The following NIPA1 variants were observed in gnomAD, a reference collection of about 807,000 sequenced individuals.
NIPA1 encodes magnesium transporter NIPA1.
NIPA1 carries 13 observed loss-of-function variants against 23.9 expected under a neutral mutation model. The observed-to-expected ratio is 0.54, with a 90% confidence interval of 0.35 to 0.87. NIPA1 has a LOEUF of 0.87. Ranked by LOEUF, NIPA1 falls within the 40% of genes least tolerant of loss-of-function variation. The probability of loss-of-function intolerance (pLI) is 0.01; values close to 1 mark genes in which losing one functional copy is unlikely to be tolerated. For missense variants in NIPA1, 362 were observed against 429.7 expected, an observed-to-expected ratio of 0.84 and a Z score of 1.39; for synonymous variants, 234 against 202.9, an observed-to-expected ratio of 1.15 and a Z score of -1.30.
intron 1 of NIPA1, among the ~76,000 whole-genome samples, chr15:22,804,652 A>C (rs919991059): frequency 6.6e-6 from 1 of 151,970 alleles, no homozygotes; most frequent in Non-Finnish European, 1.5e-5. Context: ...TTAAACTTCA[A>C]CGTTTTCTCT....
At chr15:22,817,421 C>G (rs968246822) in intron 3 of NIPA1, among the ~76,000 whole-genome samples, 1 of 151,304 alleles carries the variant, frequency 6.6e-6, no homozygotes, top group Non-Finnish European at 1.5e-5. Context: ...ATCGCTTGAA[C>G]CCAGTAGGCA....
chr15:22,812,151 T>C lies in NIPA1; in HGVS notation c.227-12T>C. 1 of 1,604,752 alleles carries C rather than the reference T, an allele frequency of 6.2e-7. No individual in the cohort carries two copies. Among genetic ancestry groups the C allele is most frequent in the Non-Finnish European group, 8.5e-7 (1 of 1,172,020 alleles). On this transcript the variant is annotated splice_polypyrimidine_tract_variant and intron_variant, in intron 2 of 4. Transcript: ENST00000337435. ...GTAATTGCAAGTAGTATCCTTGTGA[T>C]TTTCTTGACAGTGGCTGTTGGCCAG...
chr15:22,811,465 C>T (rs1265123021), intron 2 of NIPA1, among the ~76,000 whole-genome samples: 1 of 152,000 alleles, frequency 6.6e-6, no homozygotes, highest in Non-Finnish European at 1.5e-5. Flanking sequence ...ATTACCTGGG[C>T]ATGGTGGGAT....
intron 1 of NIPA1, among the ~76,000 whole-genome samples, chr15:22,788,764 A>C (rs1223941457): frequency 6.6e-6 from 1 of 150,872 alleles, no homozygotes; most frequent in Admixed American, 6.6e-5. Context: ...TTTAAAAAAA[A>C]CATGATAAGC....
rs199614340 is a variant in NIPA1, at chr15:22,795,939, AT to A, written c.178+9115del. Among the ~76,000 whole-genome samples the A allele has an allele frequency of 1.5e-4, 22 of 148,842 alleles. No homozygotes were observed. In the East Asian group the frequency reaches 2.0e-3, roughly 13 times the overall value. On this transcript the variant is annotated intron_variant, in intron 1 of 4. Coordinates refer to ENST00000337435, the MANE Select transcript of NIPA1 (RefSeq NM_144599.5). ...AGATAAATCCACCTACAGATAAGGC[AT>A]TTTTTTTTTAAGACAGGGTCTTTTT...
At chr15:22,786,868 G>A (rs1296079983) in intron 1 of NIPA1, 34 bp downstream of exon 1, 4 of 955,970 alleles carry the variant, frequency 4.2e-6, no homozygotes, top group Non-Finnish European at 5.3e-6. Flanking sequence ...GCGGCGGGCG[G>A]GTGGGGGAGG....
At position 22,810,814 on chromosome 15, in the gene NIPA1, CG is replaced by C. The variant is rs759396730; in HGVS notation, c.226+19del. On this transcript the variant is annotated intron_variant, in intron 2 of 4. Transcript: ENST00000337435. ...AATCGCAAGTAAGTAGCCTGTGTGGCGAAGTCTGGTCTTTTCCTTTCTTAGA... is the reference window on the plus strand; with the variant it reads ...AATCGCAAGTAAGTAGCCTGTGTGGCAAGTCTGGTCTTTTCCTTTCTTAGA... 26 of 1,592,980 alleles carry C rather than the reference CG, an allele frequency of 1.6e-5. No individual in the cohort carries two copies. The highest frequency in any genetic ancestry group is 2.6e-6 in the Non-Finnish European group (3 of 1,160,852).
chr15:22,816,485 C>CTTTTTT lies in NIPA1; in HGVS notation c.318-3828_318-3827insTTTTTT, dbSNP rs1566786330. 3.7e-3 allele frequency among the ~76,000 whole-genome samples: 193 copies of CTTTTTT among 52,662 alleles called. 2 individuals carry two copies. Among genetic ancestry groups the CTTTTTT allele is most frequent in the South Asian group, 9.5e-3 (12 of 1,264 alleles). 34.5% of individuals were successfully genotyped at this position (52,662 alleles called of 152,430 possible). A position where few individuals can be genotyped will look rare whatever the true frequency, so the allele number is the denominator to read the frequency against. ...TACAGGTGTGAGCCACCGCACCCAGCCTTTTTTTTTTTTTTTTTTTTTTTC... is the reference window on the plus strand; with the variant it reads ...TACAGGTGTGAGCCACCGCACCCAGCTTTTTTCTTTTTTTTTTTTTTTTTTTTTTTC... On this transcript the variant is annotated intron_variant, in intron 3 of 4. Transcript: ENST00000337435.
intron 1 of NIPA1, among the ~76,000 whole-genome samples, chr15:22,802,149 T>G (rs1163316771): frequency 6.6e-6 from 1 of 152,030 alleles, no homozygotes; most frequent in African/African-American, 2.4e-5. Context: ...ATCCCAGCAC[T>G]TTGGGAGGCC....
intron 3 of NIPA1, chr15:22,819,321 C>T (rs188895017): frequency 6.6e-6 from 1 of 152,216 alleles, no homozygotes; most frequent in African/African-American, 2.4e-5. Flanking sequence ...CATACCTGAG[C>T]CTGGTATGCC....
In NIPA1 at chr15:22,810,780, G is replaced by A. The variant is rs1312018836; in HGVS notation, c.210G>A (p.Trp70Ter). 1 of 1,610,862 alleles carries A rather than the reference G, an allele frequency of 6.2e-7. No individual in the cohort carries two copies. ...CCTATTTAACAGACATTGTGTGGTGGGCTGGCACAATCGCAAGTAAGTAGC... is the reference window on the plus strand; with the variant it reads ...CCTATTTAACAGACATTGTGTGGTGAGCTGGCACAATCGCAAGTAAGTAGC... ...GTSYLTDIVWWAGTIAMAVGQ... is the reference protein window; with the variant it reads ...GTSYLTDIVW The change falls in exon 2 of 5, where the codon TGG becomes TGA. Residue 70 changes from tryptophan to a stop codon, truncating the protein, a stop_gained. Transcript: ENST00000337435. LOFTEE classifies it high-confidence loss of function.
intron 1 of NIPA1, among the ~76,000 whole-genome samples, chr15:22,798,835 CAAAAAAAAA>C (rs1206327395): frequency 2.7e-5 from 2 of 73,110 alleles, no homozygotes; most frequent in African/African-American, 5.9e-5. Flanking sequence ...GACTCCGTCT[CAAAAAAAAA>C]AAAAAAAAAA....
intron 1 of NIPA1, among the ~76,000 whole-genome samples, chr15:22,793,461 G>T (rs1036757834): frequency 6.7e-6 from 1 of 149,144 alleles, no homozygotes; most frequent in Non-Finnish European, 1.5e-5. Context: ...ATTTTTTTGA[G>T]AGGGAGTCTT....
chr15:22,813,746 T>A (rs940858922), intron 3 of NIPA1: 2 of 451,768 alleles, frequency 4.4e-6, no homozygotes, highest in South Asian at 3.1e-5. Context: ...GTTTTTCACA[T>A]GCGACGCCTT....
chr15:22,807,911 A>G (rs949775322), intron 1 of NIPA1, among the ~76,000 whole-genome samples: 1 of 151,208 alleles, frequency 6.6e-6, no homozygotes, highest in African/African-American at 2.4e-5. Context: ...AGCCTCCCAA[A>G]TAGCTGGGAC....
At chr15:22,797,786 G>A (rs551710182) in intron 1 of NIPA1, among the ~76,000 whole-genome samples, 6 of 145,758 alleles carry the variant, frequency 4.1e-5, no homozygotes, top group East Asian at 4.1e-4. Flanking sequence ...TACAGCAGGC[G>A]TGAGCCACCG....
rs371077610 is a variant in NIPA1, at chr15:22,793,974, T to G, written c.178+7140T>G. ...GGCTATTTTGGTTACTCTAGGCTTA[T>G]AATTTGTTTTGAAGTCAGGAGGTGT... is the stretch of plus-strand genomic sequence containing the variant. On this transcript the variant is annotated intron_variant, in intron 1 of 4. Coordinates refer to ENST00000337435, the MANE Select transcript of NIPA1 (RefSeq NM_144599.5). Among the ~76,000 whole-genome samples the G allele has an allele frequency of 1.2e-3, 177 of 152,316 alleles. 3 individuals carry two copies. Among genetic ancestry groups the G allele is most frequent in the African/African-American group, 4.0e-3 (168 of 41,570 alleles).
chr15:22,791,642 C>T (rs1022107611), intron 1 of NIPA1, among the ~76,000 whole-genome samples: 2 of 152,002 alleles, frequency 1.3e-5, no homozygotes, highest in African/African-American at 2.4e-5. Context: ...CGCCACCACA[C>T]CTGGCTAATT....
At chr15:22,802,979 G>T (rs1895117773) in intron 1 of NIPA1, among the ~76,000 whole-genome samples, 1 of 151,896 alleles carries the variant, frequency 6.6e-6, no homozygotes, top group African/African-American at 2.4e-5. Context: ...GGTGGTGACA[G>T]AGACTCTTGC....
Sources: allele counts gnomAD v4.1 joint callset (sites outside exome capture counted in the v4.1 genomes callset), GRCh38; gene constraint gnomAD v4.1.1; transcripts MANE v1.5; gene names NCBI Gene and HGNC (gene_info 2026-07-23, HGNC 2026-07-21).